PACSIN2: variants seen among roughly 807,000 people sequenced by gnomAD.
PACSIN2 encodes protein kinase C and casein kinase substrate in neurons protein 2.
PACSIN2 carries 25 observed loss-of-function variants against 63.8 expected under a neutral mutation model. The observed-to-expected ratio is 0.39, with a 90% CI of 0.29 to 0.55. The LOEUF is 0.55. Among genes scored for constraint, PACSIN2 ranks in the 20% least tolerant of loss-of-function variants. The pLI is 0.62. For missense variants in PACSIN2, 518 were observed against 646.9 expected, an observed-to-expected ratio of 0.80 and a Z score of 2.16; for synonymous variants, 255 against 256.2, an observed-to-expected ratio of 1.00 and a Z score of 0.05.
chr22:42,964,142 G>C (rs967105489), intron 1 of PACSIN2, among the ~76,000 whole-genome samples: 2 of 152,222 alleles, frequency 1.3e-5, no homozygotes, highest in Non-Finnish European at 2.9e-5. Context: ...TCTTGGCTGG[G>C]CACGGTGGCC....
intron 10 of PACSIN2, among the ~76,000 whole-genome samples, chr22:42,874,013 C>T (rs1282187569): frequency 1.3e-5 from 2 of 152,098 alleles, no homozygotes; most frequent in Non-Finnish European, 2.9e-5. Context: ...TGGTCTCAAA[C>T]TCCTGACCTC....
intron 1 of PACSIN2, among the ~76,000 whole-genome samples, chr22:42,980,736 G>C (rs1218482014): frequency 3.9e-5 from 4 of 101,750 alleles, no homozygotes; most frequent in Non-Finnish European, 8.0e-5. Flanking sequence ...TGATCCGCCA[G>C]CCTCGGCCTC....
intron 2 of PACSIN2, among the ~76,000 whole-genome samples, chr22:42,894,274 C>T (rs948931437): frequency 1.3e-5 from 2 of 151,572 alleles, no homozygotes; most frequent in African/African-American, 2.4e-5. Context: ...GACACAGTCT[C>T]GCTGTCGTCA....
In PACSIN2 at chr22:42,871,408, G is replaced by A. The variant is rs1928111883; in HGVS notation, c.1410C>T (p.Asp470=). The A allele has an allele frequency of 1.2e-6, 2 of 1,614,180 alleles. No individual in the cohort carries two copies. Among genetic ancestry groups the A allele is most frequent in the Non-Finnish European group, 1.7e-6 (2 of 1,180,000 alleles). The change falls in exon 11 of 11, where the codon GAC becomes GAT. Residue 470 remains aspartate (D), a synonymous_variant. Transcript: ENST00000263246. This position sits in a 1 kb window ranked among gnomAD's most constrained non-coding sequence, Gnocchi z 5.4. ...CCGGGTATAGGCCAACTTGCCCGTTGTCCAAGCGTCCCTTGCACCAGCCCT... is the reference window on the plus strand; with the variant it reads ...CCGGGTATAGGCCAACTTGCCCGTTATCCAAGCGTCCCTTGCACCAGCCCT... ...DEQGWCKGRL[D]NGQVGLYPAN... is the part of the protein sequence containing the mutation.
intron 1 of PACSIN2, among the ~76,000 whole-genome samples, chr22:42,916,152 A>G (rs1157059571): frequency 6.6e-6 from 1 of 152,218 alleles, no homozygotes; most frequent in South Asian, 2.1e-4. Context: ...GTTAAATGAG[A>G]TGAAGGTCTC....
intron 5 of PACSIN2, among the ~76,000 whole-genome samples, chr22:42,888,356 TGCA>T (rs1869160383): frequency 6.6e-6 from 1 of 152,190 alleles, no homozygotes; most frequent in Non-Finnish European, 1.5e-5. Flanking sequence ...AGCAGCTCCC[TGCA>T]GCAATCCCAG....
intron 5 of PACSIN2, among the ~76,000 whole-genome samples, chr22:42,885,992 G>A (rs1384386500): frequency 1.3e-5 from 2 of 152,220 alleles, no homozygotes; most frequent in African/African-American, 4.8e-5. Context: ...ACATAGCTGT[G>A]GGTTCAGCGC....
chr22:42,882,589 T>G (rs1325857731), intron 6 of PACSIN2, among the ~76,000 whole-genome samples: 1 of 152,220 alleles, frequency 6.6e-6, no homozygotes, highest in Admixed American at 6.6e-5. Flanking sequence ...GTGGGCTGTG[T>G]GGGCCACCAC....
chr22:42,989,450 A>G (rs551932788), intron 1 of PACSIN2, among the ~76,000 whole-genome samples: 2 of 146,630 alleles, frequency 1.4e-5, no homozygotes, highest in South Asian at 2.2e-4. Flanking sequence ...GTGAGCCGAG[A>G]TCACACGATT....
chr22:42,888,530 T>C (rs1569224677), intron 5 of PACSIN2, 113 bp downstream of exon 5: 1 of 1,055,800 alleles, frequency 9.5e-7, no homozygotes, highest in Non-Finnish European at 1.4e-6. Flanking sequence ...TTTTATTGGT[T>C]ATTTATCCCT....
chr22:42,993,661 TTGA>T (rs1411306511), intron 1 of PACSIN2: 1 of 152,240 alleles, frequency 6.6e-6, no homozygotes, highest in Admixed American at 6.5e-5. Context: ...TTTTTCCACG[TTGA>T]TGATAACACG....
At chr22:42,929,724 C>T (rs1025267376) in intron 1 of PACSIN2, among the ~76,000 whole-genome samples, 7 of 152,318 alleles carry the variant, frequency 4.6e-5, no homozygotes, top group African/African-American at 1.2e-4. Flanking sequence ...GAGAGTGACC[C>T]GCCACCCGGG....
At chr22:42,970,715 T>A (rs1038907159) in intron 1 of PACSIN2, among the ~76,000 whole-genome samples, 1 of 152,174 alleles carries the variant, frequency 6.6e-6, no homozygotes, top group Non-Finnish European at 1.5e-5. Context: ...CCTAAAGAAA[T>A]CAAATGATTT....
At chr22:42,899,591 G>A (rs765278440) in intron 2 of PACSIN2, among the ~76,000 whole-genome samples, 48 of 152,136 alleles carry the variant, frequency 3.2e-4, no homozygotes, top group Non-Finnish European at 6.5e-4. Flanking sequence ...TGGATATACT[G>A]GTGGAAACAG....
At chr22:42,973,223 A>G (rs1020323567) in intron 1 of PACSIN2, among the ~76,000 whole-genome samples, 1 of 152,266 alleles carries the variant, frequency 6.6e-6, no homozygotes, top group Non-Finnish European at 1.5e-5. Flanking sequence ...ACAATCTTTA[A>G]AAAGAAAAAA....
intron 1 of PACSIN2, among the ~76,000 whole-genome samples, chr22:43,014,686 C>T (rs929710557): frequency 1.3e-5 from 2 of 151,856 alleles, no homozygotes; most frequent in African/African-American, 4.8e-5. Context: ...GACGGCCCTG[C>T]TCCTGCACTT....
chr22:42,893,432 C>T (rs763403210), intron 3 of PACSIN2, 25 bp downstream of exon 3: 3 of 1,607,292 alleles, frequency 1.9e-6, no homozygotes, highest in Non-Finnish European at 2.5e-6. Flanking sequence ...CTCCAGGCCA[C>T]AGGACCTGTG....
chr22:42,937,592 C>G lies in PACSIN2; in HGVS notation c.-77-25435G>C, dbSNP rs993085511. 2.0e-5 allele frequency among the ~76,000 whole-genome samples: 3 copies of G among 152,154 alleles called. No individual in the cohort carries two copies. The East Asian group carries it at 5.8e-4, about 29-fold the overall frequency. On this transcript the variant is annotated intron_variant, in intron 1 of 10. Transcript: ENST00000263246. ...CTGAATCTCCACACGGCCTCATTCTCAAGGAGCCCTGTGCAAGCAGTCAGG... is the reference window on the plus strand; with the variant it reads ...CTGAATCTCCACACGGCCTCATTCTGAAGGAGCCCTGTGCAAGCAGTCAGG...
chr22:42,992,945 C>A (rs1255431618), intron 1 of PACSIN2, among the ~76,000 whole-genome samples: 4 of 152,128 alleles, frequency 2.6e-5, no homozygotes, highest in African/African-American at 9.7e-5. Flanking sequence ...GGGCAGATTG[C>A]CCGAGCTCAG....
Sources: allele counts gnomAD v4.1 joint callset (sites outside exome capture counted in the v4.1 genomes callset), GRCh38; gene constraint gnomAD v4.1.1; non-coding constraint Gnocchi (gnomAD v3.1); transcripts MANE v1.5; gene names NCBI Gene and HGNC (gene_info 2026-07-23, HGNC 2026-07-21).